GMDS: variants seen among roughly 807,000 people sequenced by gnomAD.
The protein encoded by GMDS is GDP-mannose 4,6 dehydratase.
Under a neutral mutation model 49.9 loss-of-function variants are expected in GMDS, and 20 were observed. That is an observed-to-expected ratio of 0.40 (90% CI 0.28 to 0.58). GMDS has a LOEUF of 0.58. GMDS is among the 20% of genes least tolerant of loss of function. The pLI, the probability that GMDS is intolerant of heterozygous loss-of-function variation, is 0.42. For missense variants in GMDS, 362 were observed against 481.4 expected, an observed-to-expected ratio of 0.75 and a Z score of 2.32; for synonymous variants, 177 against 178.6, an observed-to-expected ratio of 0.99 and a Z score of 0.07.
rs114298401 is a variant in GMDS, at chr6:1,943,424, C to T, written c.644-13194G>A. On this transcript the variant is annotated intron_variant, in intron 6 of 10. Coordinates refer to ENST00000380815, the MANE Select transcript of GMDS (RefSeq NM_001500.4). Reference sequence around the variant, plus strand: ...TGTGAGCTTCTTAAAGACAAGCATTCTATTCTGTCTCTCTAGTGTCTCGCC... The same window carrying T: ...TGTGAGCTTCTTAAAGACAAGCATTTTATTCTGTCTCTCTAGTGTCTCGCC... Among the ~76,000 whole-genome samples the T allele has an allele frequency of 6.1e-3, 937 of 152,364 alleles. 10 individuals carry two copies. Among genetic ancestry groups the T allele is most frequent in the African/African-American group, 0.021 (877 of 41,590 alleles).
chr6:1,734,118 T>A (rs1354663153), intron 8 of GMDS, among the ~76,000 whole-genome samples: 1 of 152,216 alleles, frequency 6.6e-6, no homozygotes, highest in Non-Finnish European at 1.5e-5. Flanking sequence ...ACCTTAGCTG[T>A]GTATGGCCTC....
intron 4 of GMDS, among the ~76,000 whole-genome samples, chr6:2,039,647 T>A (rs566873043): frequency 6.6e-6 from 1 of 152,040 alleles, no homozygotes; most frequent in Non-Finnish European, 1.5e-5. Context: ...TAGGCTTACA[T>A]AGGGTCAGGA....
intron 4 of GMDS, among the ~76,000 whole-genome samples, chr6:2,112,020 C>G (rs1022452468): frequency 4.6e-5 from 7 of 152,194 alleles, no homozygotes; most frequent in African/African-American, 1.4e-4. Flanking sequence ...ATGGCGCCAT[C>G]ATCCCAGGCC....
chr6:1,849,505 T>C (rs1432460439), intron 7 of GMDS, among the ~76,000 whole-genome samples: 1 of 152,190 alleles, frequency 6.6e-6, no homozygotes, highest in Non-Finnish European at 1.5e-5. Flanking sequence ...TATTTCTTTT[T>C]ACTCTCCAGA....
At chr6:1,897,808 C>T (rs2113852466) in intron 7 of GMDS, among the ~76,000 whole-genome samples, 1 of 152,332 alleles carries the variant, frequency 6.6e-6, no homozygotes, top group Non-Finnish European at 1.5e-5. Flanking sequence ...TCTTTTCATC[C>T]CTCGACATGA....
intron 4 of GMDS, among the ~76,000 whole-genome samples, chr6:2,049,377 T>C (rs902365334): frequency 6.6e-6 from 1 of 152,214 alleles, no homozygotes; most frequent in Non-Finnish European, 1.5e-5. Context: ...CAAATACATA[T>C]GGTGTTAGAG....
chr6:2,183,677 T>A (rs913063464), intron 1 of GMDS, among the ~76,000 whole-genome samples: 1 of 152,198 alleles, frequency 6.6e-6, no homozygotes, highest in African/African-American at 2.4e-5. Context: ...AACAGCTGAA[T>A]GGCACAGAGA....
intron 9 of GMDS, among the ~76,000 whole-genome samples, chr6:1,683,667 T>C (rs1183639704): frequency 6.6e-6 from 1 of 152,214 alleles, no homozygotes; most frequent in Non-Finnish European, 1.5e-5. Context: ...GAAAAACCTT[T>C]AGACATGAGA....
chr6:1,637,219 G>A (rs1350264473), intron 9 of GMDS, among the ~76,000 whole-genome samples: 1 of 152,250 alleles, frequency 6.6e-6, no homozygotes, highest in African/African-American at 2.4e-5. Context: ...AAAGGGTGGA[G>A]AGGCCTCCCT....
chr6:1,925,904 G>T (rs1761979598), intron 7 of GMDS, among the ~76,000 whole-genome samples: 1 of 152,116 alleles, frequency 6.6e-6, no homozygotes, highest in Admixed American at 6.5e-5. Context: ...ACAAGCAGCT[G>T]AACATCAAGA....
chr6:2,092,956 G>T (rs1198354109), intron 4 of GMDS, among the ~76,000 whole-genome samples: 1 of 152,178 alleles, frequency 6.6e-6, no homozygotes, highest in African/African-American at 2.4e-5. Flanking sequence ...GAAGGAGTAT[G>T]TGTATTCAGC....
At chr6:1,706,747 T>C (rs769278603) in intron 9 of GMDS, among the ~76,000 whole-genome samples, 14 of 152,204 alleles carry the variant, frequency 9.2e-5, no homozygotes, top group Non-Finnish European at 1.8e-4. Context: ...TGTTTGCGCA[T>C]TTTTATGCTT....
chr6:1,719,622 T>A (rs1162491845), intron 9 of GMDS, among the ~76,000 whole-genome samples: 11 of 146,488 alleles, frequency 7.5e-5, no homozygotes, highest in African/African-American at 2.3e-4. Flanking sequence ...CTGATTTGTT[T>A]AAAAAAAAAA....
intron 9 of GMDS, among the ~76,000 whole-genome samples, chr6:1,709,042 G>A (rs548164058): frequency 7.2e-5 from 11 of 152,306 alleles, no homozygotes; most frequent in African/African-American, 1.2e-4. Context: ...GCCGAGAACC[G>A]TGTACACTGA....
intron 4 of GMDS, among the ~76,000 whole-genome samples, chr6:1,985,964 C>A (rs1765520166): frequency 6.6e-6 from 1 of 152,166 alleles, no homozygotes; most frequent in Non-Finnish European, 1.5e-5. Context: ...AATACAAGAA[C>A]CACTTTATTT....
intron 1 of GMDS, among the ~76,000 whole-genome samples, chr6:2,205,016 C>T (rs991859022): frequency 3.9e-5 from 6 of 152,114 alleles, no homozygotes; most frequent in South Asian, 2.1e-4. Context: ...ATTTTTTTTA[C>T]GTCTAAAGTT....
At chr6:2,007,885 T>A (rs956189582) in intron 4 of GMDS, among the ~76,000 whole-genome samples, 2 of 152,194 alleles carry the variant, frequency 1.3e-5, no homozygotes, top group Admixed American at 6.5e-5. Context: ...AGCAGTTGAG[T>A]CAGCAGTGCT....
chr6:1,716,952 T>C (rs1209870105), intron 9 of GMDS, among the ~76,000 whole-genome samples: 1 of 152,244 alleles, frequency 6.6e-6, no homozygotes, highest in Admixed American at 6.5e-5. Context: ...CATTATGCAA[T>C]TTTAAATAGA....
At chr6:2,207,624 A>AG (rs1355104714) in intron 1 of GMDS, among the ~76,000 whole-genome samples, 2 of 151,998 alleles carry the variant, frequency 1.3e-5, no homozygotes, top group Non-Finnish European at 2.9e-5. Flanking sequence ...CATTGTTCCT[A>AG]GGACGGTTTT....
Sources: gnomAD v4.1 joint callset for allele counts (sites outside exome capture counted in the v4.1 genomes callset) on GRCh38, gnomAD v4.1.1 for gene constraint, MANE v1.5 for transcripts, NCBI Gene and HGNC (gene_info 2026-07-23, HGNC 2026-07-21) for gene names.